The following ATG10 variants were observed in gnomAD, a reference collection of about 807,000 sequenced individuals.
ATG10 encodes ubiquitin-like-conjugating enzyme ATG10.
In ATG10, 30 loss-of-function variants were observed where a neutral mutation model predicts 32.1. That is an observed-to-expected ratio of 0.94 (90% CI 0.70 to 1.27). ATG10 has a LOEUF of 1.27. Ranked by LOEUF, ATG10 falls within the 50% of genes most tolerant of loss-of-function variation. The pLI, the probability that ATG10 is intolerant of heterozygous loss-of-function variation, is 0.00. For missense variants in ATG10, 233 were observed against 262.3 expected, an observed-to-expected ratio of 0.89 and a Z score of 0.77; for synonymous variants, 87 against 91.5, an observed-to-expected ratio of 0.95 and a Z score of 0.28.
chr5:82,062,973 A>G lies in ATG10; in HGVS notation c.216+4371A>G, dbSNP rs192328186. 2.0e-4 allele frequency among the ~76,000 whole-genome samples: 30 copies of G among 152,274 alleles called. No homozygotes were observed. The East Asian group carries it at 5.2e-3, about 26-fold the overall frequency. On this transcript the variant is annotated intron_variant, in intron 3 of 7. Coordinates refer to ENST00000282185, the MANE Select transcript of ATG10 (RefSeq NM_031482.5). The stretch of plus-strand genomic sequence containing the variant: ...TTTGTTTATAACTTTTATTTAGTCA[A>G]TAGTATAATTAGAGGTATGGCAATT...
At chr5:82,164,359 T>C (rs1365103058) in intron 3 of ATG10, 40 bp from the exon 4 acceptor site, 4 of 1,600,258 alleles carry the variant, frequency 2.5e-6, no homozygotes, top group South Asian at 2.2e-5. Context: ...ACTTTTCTTA[T>C]TAAGAAACCC....
intron 2 of ATG10, among the ~76,000 whole-genome samples, chr5:82,055,148 A>C (rs370384385): frequency 6.6e-6 from 1 of 152,110 alleles, no homozygotes; most frequent in East Asian, 1.9e-4. Context: ...TAGAAGAAAC[A>C]TCTAGTTCTG....
intron 2 of ATG10, among the ~76,000 whole-genome samples, chr5:82,007,592 A>G (rs1762019314): frequency 6.6e-6 from 1 of 152,092 alleles, no homozygotes; most frequent in African/African-American, 2.4e-5. Flanking sequence ...AGCTGGGACT[A>G]TAGGTGTATA....
chr5:82,224,550 G>A (rs1746044983), intron 5 of ATG10, among the ~76,000 whole-genome samples: 1 of 152,142 alleles, frequency 6.6e-6, no homozygotes. Flanking sequence ...GCATGCAGGG[G>A]GAAGGAGAGA....
At chr5:81,989,639 C>T (rs1761396951) in intron 2 of ATG10, among the ~76,000 whole-genome samples, 1 of 151,784 alleles carries the variant, frequency 6.6e-6, no homozygotes, top group South Asian at 2.1e-4. Flanking sequence ...CGCTCTGTCG[C>T]CCAGGCTGGA....
chr5:82,011,231 C>T (rs913590771), intron 2 of ATG10, among the ~76,000 whole-genome samples: 17 of 152,224 alleles, frequency 1.1e-4, no homozygotes, highest in African/African-American at 4.1e-4. Context: ...CCACCAACCT[C>T]CGACTCAGGC....
chr5:82,171,473 A>T (rs1011693063), intron 4 of ATG10, among the ~76,000 whole-genome samples: 2 of 152,212 alleles, frequency 1.3e-5, no homozygotes, highest in Non-Finnish European at 2.9e-5. Flanking sequence ...GGTTGCAAAT[A>T]ATTTGATAAG....
At chr5:82,163,033 G>T (rs1042067206) in intron 3 of ATG10, among the ~76,000 whole-genome samples, 1 of 151,874 alleles carries the variant, frequency 6.6e-6, no homozygotes, top group African/African-American at 2.4e-5. Context: ...CACCAAGATA[G>T]AATTATTTTA....
intron 2 of ATG10, among the ~76,000 whole-genome samples, chr5:82,016,121 A>G (rs1291089458): frequency 4.0e-5 from 6 of 151,752 alleles, no homozygotes; most frequent in Non-Finnish European, 5.9e-5. Context: ...TTTTTGATGC[A>G]TTTTCTTTTG....
chr5:82,013,600 G>T (rs1413858669), intron 2 of ATG10, among the ~76,000 whole-genome samples: 1 of 152,092 alleles, frequency 6.6e-6, no homozygotes, highest in Non-Finnish European at 1.5e-5. Flanking sequence ...CATAGTGGTT[G>T]TACTATCTTA....
rs1376954987 is a variant in ATG10 at position 82,255,110 on chromosome 5, T to A, written c.*1047T>A. The A allele has an allele frequency of 1.3e-5, 2 of 152,214 alleles. No individual in the cohort carries two copies. The highest frequency in any genetic ancestry group is 4.8e-5 in the African/African-American group (2 of 41,458). 9.4% of individuals were successfully genotyped at this position (152,214 alleles called of 1,614,324 possible). ...TAAAACAATGGTCATTTTACCCCTC[T>A]GCTTCTCAACCCCACAGCTGCTCTG... On this transcript the variant is annotated 3_prime_UTR_variant, in exon 8 of 8. Coordinates refer to ENST00000282185, the MANE Select transcript of ATG10 (RefSeq NM_031482.5).
At chr5:82,200,942 T>C (rs1312574592) in intron 5 of ATG10, among the ~76,000 whole-genome samples, 2 of 151,642 alleles carry the variant, frequency 1.3e-5, no homozygotes, top group African/African-American at 2.4e-5. Flanking sequence ...CAGGCTGGAG[T>C]GCAGTGGCGT....
intron 4 of ATG10, among the ~76,000 whole-genome samples, chr5:82,177,675 C>T (rs1744084752): frequency 6.6e-6 from 1 of 152,034 alleles, no homozygotes; most frequent in South Asian, 2.1e-4. Context: ...ACTTTACTTA[C>T]CTTGTGTATA....
intron 2 of ATG10, among the ~76,000 whole-genome samples, chr5:82,014,549 C>T (rs1255170506): frequency 6.6e-6 from 1 of 152,164 alleles, no homozygotes; most frequent in African/African-American, 2.4e-5. Flanking sequence ...ATAGATAGCT[C>T]TTCTTGTTGA....
At chr5:82,203,078 A>G (rs1745132483) in intron 5 of ATG10, among the ~76,000 whole-genome samples, 1 of 152,046 alleles carries the variant, frequency 6.6e-6, no homozygotes. Context: ...AAATACAAAA[A>G]TTAGCCAGGC....
chr5:81,982,447 C>G (rs1761077460), intron 1 of ATG10, among the ~76,000 whole-genome samples: 1 of 151,924 alleles, frequency 6.6e-6, no homozygotes. Context: ...GATTCCGTCT[C>G]CAAAAAACAA....
Position 82,239,824 on chromosome 5 carries a change from C to A in ATG10, c.454-12738C>A, listed in dbSNP as rs183544611. On this transcript the variant is annotated intron_variant, in intron 5 of 7. Transcript: ENST00000282185. The stretch of plus-strand genomic sequence containing the variant: ...GGAACTCAAGCCAATACCAAAAAAA[C>A]CCCCAAATAATCCAATTTAAAAAAT... Among the ~76,000 whole-genome samples the A allele has an allele frequency of 3.3e-3, 495 of 152,002 alleles. 5 individuals carry two copies. The highest frequency in any genetic ancestry group is 7.7e-4 in the Non-Finnish European group (52 of 67,940).
chr5:82,121,726 G>C (rs1160032083), intron 3 of ATG10, among the ~76,000 whole-genome samples: 2 of 152,138 alleles, frequency 1.3e-5, no homozygotes, highest in South Asian at 2.1e-4. Flanking sequence ...ATAATGATGT[G>C]GTTTTTGTCT....
intron 3 of ATG10, among the ~76,000 whole-genome samples, chr5:82,152,688 T>G (rs1767652287): frequency 6.6e-6 from 1 of 152,202 alleles, no homozygotes; most frequent in Non-Finnish European, 1.5e-5. Context: ...CCTTGAAATA[T>G]TTTTCCTTCA....
Sources: allele counts gnomAD v4.1 joint callset (sites outside exome capture counted in the v4.1 genomes callset), GRCh38; gene constraint gnomAD v4.1.1; transcripts MANE v1.5; gene names NCBI Gene and HGNC (gene_info 2026-07-23, HGNC 2026-07-21).